Variants in SPATA22 observed in about 807,000 individuals in gnomAD.
SPATA22 encodes spermatogenesis associated 22, also known as spermatogenesis-associated protein 22.
In SPATA22, 29 loss-of-function variants were observed where a neutral mutation model predicts 47.8. The ratio of observed to expected loss-of-function variants is 0.61; its 90% CI spans 0.45 to 0.83. The LOEUF (loss-of-function observed/expected upper bound fraction) is 0.83. Among genes scored for constraint, SPATA22 ranks in the 40% least tolerant of loss-of-function variants. SPATA22 has a pLI of 0.00. For synonymous variants in SPATA22, 133 were observed against 140.9 expected, an observed-to-expected ratio of 0.94 and a Z score of 0.40; for missense variants, 410 against 421.7, an observed-to-expected ratio of 0.97 and a Z score of 0.24.
At chr17:3,447,132 A>C (rs962476166) in intron 6 of SPATA22, among the ~76,000 whole-genome samples, 1 of 152,166 alleles carries the variant, frequency 6.6e-6, no homozygotes, top group Non-Finnish European at 1.5e-5. Context: ...GAATGTCAGG[A>C]AATGTACTTT....
intron 2 of SPATA22, 38 bp downstream of exon 2, chr17:3,469,245 C>G (rs2073376885): frequency 1.1e-6 from 1 of 920,386 alleles, no homozygotes; most frequent in East Asian, 2.5e-5. Context: ...GCTTTATATG[C>G]TATACAGAAA....
At chr17:3,458,855 CAAAAAAAAAAA>C (rs545223532) in intron 5 of SPATA22, among the ~76,000 whole-genome samples, 1 of 38,344 alleles carries the variant, frequency 2.6e-5, no homozygotes, top group Non-Finnish European at 4.5e-5. Context: ...CGAAACTTCA[CAAAAAAAAAAA>C]AAAAAAAAAA....
chr17:3,493,790 G>A (rs1226369542), intron 1 of SPATA22, among the ~76,000 whole-genome samples: 1 of 152,072 alleles, frequency 6.6e-6, no homozygotes, highest in African/African-American at 2.4e-5. Context: ...CAGGTCTCCT[G>A]ACCCCTAAAC....
At chr17:3,450,733 T>A (rs1034780472) in intron 5 of SPATA22, among the ~76,000 whole-genome samples, 1 of 149,990 alleles carries the variant, frequency 6.7e-6, no homozygotes, top group East Asian at 2.0e-4. Flanking sequence ...TCTAGAAAAA[T>A]TTATTTCAGC....
chr17:3,443,571 C>G (rs2072645218), intron 7 of SPATA22, among the ~76,000 whole-genome samples: 1 of 151,674 alleles, frequency 6.6e-6, no homozygotes, highest in African/African-American at 2.4e-5. Context: ...TGGTTAAATC[C>G]CCAGAACAGT....
chr17:3,459,980 T>C (rs1367208071), intron 5 of SPATA22, among the ~76,000 whole-genome samples: 1 of 152,212 alleles, frequency 6.6e-6, no homozygotes, highest in Non-Finnish European at 1.5e-5. Context: ...TTATAATAGA[T>C]CTGTGTAACA....
At chr17:3,471,841 G>A, upstream of SPATA22, 2 of 985,458 alleles carry the variant, frequency 2.0e-6, no homozygotes, top group Non-Finnish European at 2.4e-6. Context: ...AGGCGCCGTG[G>A]ACCGCGCAGG....
chr17:3,504,549 C>A (rs893467685), intron 1 of SPATA22, among the ~76,000 whole-genome samples: 1 of 22,706 alleles, frequency 4.4e-5, no homozygotes, highest in Non-Finnish European at 2.8e-4. Flanking sequence ...AGGAAATTTT[C>A]TTTTCTTTTT....
rs1241065172 is a variant in SPATA22 at position 3,440,087 on chromosome 17, G to A, written c.*60C>T. 9.0e-7 allele frequency: 1 copy of A among 1,107,378 alleles called. No individual in the cohort carries two copies. The highest frequency in any genetic ancestry group is 2.3e-5 in the South Asian group (1 of 44,266). The allele number at this position is 1,107,378 out of a possible 1,614,324, so 68.6% of individuals were successfully genotyped here. A position where few individuals can be genotyped will look rare whatever the true frequency, so the allele number is the denominator to read the frequency against. On this transcript the variant is annotated 3_prime_UTR_variant, in exon 9 of 9. Coordinates refer to ENST00000572969, the MANE Select transcript of SPATA22 (RefSeq NM_001170698.2). ...TAGTAGCTATAAAACTATGGAGATGGTAAATTAAGCAATAACAGAAAACTG... is the reference window on the plus strand; with the variant it reads ...TAGTAGCTATAAAACTATGGAGATGATAAATTAAGCAATAACAGAAAACTG...
At chr17:3,451,004 A>G (rs373271863) in intron 5 of SPATA22, among the ~76,000 whole-genome samples, 2 of 152,344 alleles carry the variant, frequency 1.3e-5, no homozygotes, top group African/African-American at 2.4e-5. Flanking sequence ...ATAATAAGGT[A>G]TGCCTATATG....
intron 1 of SPATA22, among the ~76,000 whole-genome samples, chr17:3,507,847 G>T (rs1166512171): frequency 6.6e-6 from 1 of 152,154 alleles, no homozygotes; most frequent in Non-Finnish European, 1.5e-5. Context: ...TAAAAATGTT[G>T]AAACCAATTG....
At chr17:3,471,044 A>T (rs949151648) in intron 1 of SPATA22, among the ~76,000 whole-genome samples, 2 of 151,688 alleles carry the variant, frequency 1.3e-5, no homozygotes, top group African/African-American at 4.8e-5. Flanking sequence ...AATCCCAGCT[A>T]CCCTGGAGGC....
chr17:3,471,965 G>T, upstream of SPATA22: 1 of 608,068 alleles, frequency 1.6e-6, no homozygotes, highest in Non-Finnish European at 2.1e-6. Flanking sequence ...TGGACCCAGG[G>T]ATGGCTCCAG....
chr17:3,466,245 T>C (rs1346084852), intron 3 of SPATA22, among the ~76,000 whole-genome samples: 1 of 151,390 alleles, frequency 6.6e-6, no homozygotes, highest in Non-Finnish European at 1.5e-5. Flanking sequence ...TATAAGATCC[T>C]ATTAATTTTT....
chr17:3,451,233 T>G (rs1435535898), intron 5 of SPATA22, among the ~76,000 whole-genome samples: 1 of 152,102 alleles, frequency 6.6e-6, no homozygotes, highest in Non-Finnish European at 1.5e-5. Flanking sequence ...TATATAATGA[T>G]AAATGGGTAA....
chr17:3,483,387 C>T, intron 1 of SPATA22: 1 of 888,006 alleles, frequency 1.1e-6, no homozygotes, highest in Admixed American at 1.8e-5. Context: ...AGCTGTCTTA[C>T]CAATCTTAGT....
At chr17:3,473,538 C>T (rs2073479010), upstream of SPATA22, among the ~76,000 whole-genome samples, 1 of 152,068 alleles carries the variant, frequency 6.6e-6, no homozygotes, top group South Asian at 2.1e-4. Flanking sequence ...CGCTCTTGTT[C>T]CCCAGGTTGG....
chr17:3,449,373 T>C (rs1447456008), intron 5 of SPATA22, among the ~76,000 whole-genome samples: 1 of 152,116 alleles, frequency 6.6e-6, no homozygotes, highest in African/African-American at 2.4e-5. Flanking sequence ...TTGTCCAAAG[T>C]CATACAGGAA....
At chr17:3,469,672 C>A (rs2150734594) in intron 1 of SPATA22, among the ~76,000 whole-genome samples, 1 of 152,290 alleles carries the variant, frequency 6.6e-6, no homozygotes, top group East Asian at 1.9e-4. Flanking sequence ...CCCGCACCCA[C>A]AAAGAGAATT....
Sources: gnomAD v4.1 joint callset for allele counts (sites outside exome capture counted in the v4.1 genomes callset) on GRCh38, gnomAD v4.1.1 for gene constraint, MANE v1.5 for transcripts, NCBI Gene and HGNC (gene_info 2026-07-23, HGNC 2026-07-21) for gene names.